Variants in FGFR2 observed in about 807,000 individuals in gnomAD.
FGFR2 encodes the protein fibroblast growth factor receptor 2.
A neutral mutation model predicts 95.9 loss-of-function variants in FGFR2; 19 were observed. The ratio of observed to expected loss-of-function variants is 0.20; its 90% CI spans 0.14 to 0.29. The LOEUF is 0.29. FGFR2 is among the 10% of genes least tolerant of loss of function. The probability of loss-of-function intolerance (pLI) is 1.00; values close to 1 mark genes in which losing one functional copy is unlikely to be tolerated. For synonymous variants in FGFR2, 392 were observed against 393.3 expected (o/e 1.00, Z 0.04); for missense variants, 707 against 1,056.9 (o/e 0.67, Z 4.59).
chr10:121,578,986 T>C (rs908055196), intron 2 of FGFR2, among the ~76,000 whole-genome samples: 3 of 152,156 alleles, frequency 2.0e-5, no homozygotes, highest in Non-Finnish European at 4.4e-5. Flanking sequence ...TTCCCACAGG[T>C]GAGGCCTGAT....
chr10:121,597,055 A>G (rs1179184373), intron 1 of FGFR2, among the ~76,000 whole-genome samples: 2 of 152,128 alleles, frequency 1.3e-5, no homozygotes, highest in Non-Finnish European at 2.9e-5. Context: ...GTTTGCCTTT[A>G]AGGGTAGGTT....
chr10:121,566,669 C>T (rs1857716392), intron 2 of FGFR2, among the ~76,000 whole-genome samples: 1 of 152,162 alleles, frequency 6.6e-6, no homozygotes, highest in African/African-American at 2.4e-5. Context: ...CCCCCTCCAC[C>T]ATACACCTGC....
At chr10:121,487,914 C>T (rs1845627243) in intron 14 of FGFR2, 77 bp downstream of exon 14, 9 of 1,591,230 alleles carry the variant, frequency 5.7e-6, no homozygotes, top group Non-Finnish European at 7.8e-6. Flanking sequence ...CAGCTCTCAA[C>T]ATTGACGGCC....
intron 5 of FGFR2, among the ~76,000 whole-genome samples, chr10:121,540,257 G>A (rs144469094): frequency 1.3e-5 from 2 of 152,270 alleles, no homozygotes; most frequent in East Asian, 3.9e-4. Flanking sequence ...CACTGTCGCA[G>A]GTAAAATGTC....
chr10:121,492,167 CCT>C (rs2133885900), intron 13 of FGFR2, among the ~76,000 whole-genome samples: 1 of 152,132 alleles, frequency 6.6e-6, no homozygotes, highest in East Asian at 1.9e-4. Flanking sequence ...AGAGTGAGAC[CCT>C]GTCTCAAAAA....
At chr10:121,494,072 G>C (rs993679896) in intron 13 of FGFR2, among the ~76,000 whole-genome samples, 1 of 151,600 alleles carries the variant, frequency 6.6e-6, no homozygotes, top group Non-Finnish European at 1.5e-5. Flanking sequence ...CTTTGACAGG[G>C]GCTCAGCCTT....
intron 17 of FGFR2, among the ~76,000 whole-genome samples, chr10:121,481,340 T>C (rs1178203179): frequency 6.6e-6 from 1 of 151,862 alleles, no homozygotes; most frequent in African/African-American, 2.4e-5. Context: ...ACAGCCTCAG[T>C]GTTATCAGAA....
chr10:121,501,060 T>G (rs1225876655), intron 10 of FGFR2, 113 bp from the exon 11 acceptor site: 2 of 1,466,710 alleles, frequency 1.4e-6, no homozygotes, highest in Non-Finnish European at 1.9e-6. Context: ...CATGGAGTGC[T>G]TATCATATGG....
At chr10:121,565,056 G>T (rs1039564892) in intron 3 of FGFR2, among the ~76,000 whole-genome samples, 1 of 151,566 alleles carries the variant, frequency 6.6e-6, no homozygotes, top group Non-Finnish European at 1.5e-5. Context: ...GGCCTGTTCT[G>T]TCCCGCTCAC....
At chr10:121,591,104 AT>A (rs1862586997) in intron 2 of FGFR2, among the ~76,000 whole-genome samples, 1 of 152,128 alleles carries the variant, frequency 6.6e-6, no homozygotes, top group Non-Finnish European at 1.5e-5. Context: ...CTCATCTATA[AT>A]TCAATGACCT....
chr10:121,519,882 A>C (rs937792370), intron 7 of FGFR2, 97 bp downstream of exon 7: 2 of 1,161,534 alleles, frequency 1.7e-6, no homozygotes, highest in African/African-American at 3.0e-5. Flanking sequence ...AAAGAGAATC[A>C]TCCTCTCTCA....
intron 5 of FGFR2, among the ~76,000 whole-genome samples, chr10:121,550,662 C>T (rs192123866): frequency 1.2e-3 from 186 of 152,276 alleles, no homozygotes; most frequent in African/African-American, 4.3e-3. Flanking sequence ...ACTATACTGA[C>T]GCTTCTCAAA....
intron 9 of FGFR2, among the ~76,000 whole-genome samples, chr10:121,513,735 TC>T (rs1235331509): frequency 1.3e-5 from 2 of 152,154 alleles, no homozygotes; most frequent in Non-Finnish European, 2.9e-5. Flanking sequence ...AACAGGCCCC[TC>T]TTTTCCATGC....
intron 1 of FGFR2, among the ~76,000 whole-genome samples, chr10:121,595,447 G>A (rs1449363624): frequency 6.6e-6 from 1 of 152,028 alleles, no homozygotes; most frequent in Non-Finnish European, 1.5e-5. Context: ...GTGTGTACAC[G>A]GTGTGTGTGC....
rs1850016216 is a variant in FGFR2, at chr10:121,518,574, A to G, written c.940-1111T>C. 7 of 1,261,470 alleles carry G rather than the reference A, an allele frequency of 5.5e-6. No individual in the cohort carries two copies. The highest frequency in any genetic ancestry group is 7.9e-6 in the Non-Finnish European group (7 of 888,036). 78.1% of individuals were successfully genotyped at this position (1,261,470 alleles called of 1,614,324 possible). ...AGATTATTATAAATATACCAAGGCC[A>G]CAAGAGTTATCCTATAAGCTGCCTG... On this transcript the variant is annotated intron_variant, in intron 7 of 17. Transcript: ENST00000358487. This position sits in a 1 kb window ranked among gnomAD's most constrained non-coding sequence, Gnocchi z 4.0.
At chr10:121,509,293 T>G (rs1423752210) in intron 9 of FGFR2, among the ~76,000 whole-genome samples, 2 of 152,102 alleles carry the variant, frequency 1.3e-5, no homozygotes, top group Non-Finnish European at 2.9e-5. Flanking sequence ...AAGCATGTAT[T>G]TTCACAGACT....
rs781348632 is a variant in FGFR2, at chr10:121,565,586, C to G, written c.228G>C (p.Gly76=). ...DAAVISWTKD[G]VHLGPNNRTV... is the part of the protein sequence containing the mutation. ...TCCTATTGTTGGGCCCCAAGTGCAC[C>G]CCATCCTTAGTCCAACTGATCACGG... The change falls in exon 3 of 18, where the codon GGG becomes GGC. Residue 76 remains glycine, a synonymous_variant. Coordinates refer to ENST00000358487, the MANE Select transcript of FGFR2 (RefSeq NM_000141.5). The G allele has an allele frequency of 1.9e-6, 3 of 1,614,172 alleles. No homozygotes were observed. Among genetic ancestry groups the G allele is most frequent in the East Asian group, 4.5e-5 (2 of 44,884 alleles).
intron 13 of FGFR2, among the ~76,000 whole-genome samples, chr10:121,495,622 G>A (rs527712990): frequency 1.4e-4 from 21 of 152,174 alleles, no homozygotes; most frequent in South Asian, 2.1e-4. Flanking sequence ...TGAGTGATCC[G>A]CAGGCCTTGG....
intron 4 of FGFR2, among the ~76,000 whole-genome samples, chr10:121,557,390 C>G (rs915591303): frequency 6.6e-6 from 1 of 152,154 alleles, no homozygotes. Flanking sequence ...CTCACTGCAG[C>G]CTTGACCTCC....
Sources: gnomAD v4.1 joint callset for allele counts (sites outside exome capture counted in the v4.1 genomes callset) on GRCh38, gnomAD v4.1.1 for gene constraint, Gnocchi (gnomAD v3.1) non-coding constraint, MANE v1.5 for transcripts, NCBI Gene and HGNC (gene_info 2026-07-23, HGNC 2026-07-21) for gene names.